Variants in NAALADL2 observed in about 807,000 individuals in gnomAD.
NAALADL2 encodes inactive N-acetylated-alpha-linked acidic dipeptidase-like protein 2.
In NAALADL2, 76 loss-of-function variants were observed where a neutral mutation model predicts 87.2. That is an observed-to-expected ratio of 0.87 (90% CI 0.72 to 1.05). The LOEUF (loss-of-function observed/expected upper bound fraction) is 1.05. NAALADL2 is among the 50% of genes least tolerant of loss of function. The probability of loss-of-function intolerance (pLI) is 0.00; values close to 1 mark genes in which losing one functional copy is unlikely to be tolerated. For missense variants in NAALADL2, 1,089 were observed against 945.8 expected, an observed-to-expected ratio of 1.15 and a Z score of -1.99; for synonymous variants, 354 against 331.0, an observed-to-expected ratio of 1.07 and a Z score of -0.75.
At chr3:174,664,724 C>T (rs1725811179) in intron 2 of NAALADL2, among the ~76,000 whole-genome samples, 1 of 152,146 alleles carries the variant, frequency 6.6e-6, no homozygotes, top group African/African-American at 2.4e-5. Context: ...GGTGGGTGCT[C>T]TTATTCTGGA....
chr3:175,538,977 A>G (rs1200790268), intron 9 of NAALADL2, among the ~76,000 whole-genome samples: 1 of 152,360 alleles, frequency 6.6e-6, no homozygotes, highest in African/African-American at 2.4e-5. Flanking sequence ...TTTCTACAAA[A>G]GGTAACAGTT....
At chr3:174,840,386 G>C (rs949237717) in intron 3 of NAALADL2, among the ~76,000 whole-genome samples, 1 of 152,036 alleles carries the variant, frequency 6.6e-6, no homozygotes, top group Non-Finnish European at 1.5e-5. Context: ...TGCACTAGGA[G>C]TCGGAAGATA....
intron 3 of NAALADL2, among the ~76,000 whole-genome samples, chr3:174,805,729 A>T (rs762707626): frequency 2.0e-5 from 3 of 152,190 alleles, no homozygotes; most frequent in African/African-American, 7.2e-5. Context: ...GGAGAACCCA[A>T]TGAATTATTT....
chr3:174,840,840 TG>T (rs1352467203), intron 3 of NAALADL2, among the ~76,000 whole-genome samples: 4 of 152,010 alleles, frequency 2.6e-5, no homozygotes, highest in Non-Finnish European at 5.9e-5. Flanking sequence ...ACTAGCTGCT[TG>T]GGGGAAGGCT....
intron 10 of NAALADL2, among the ~76,000 whole-genome samples, chr3:175,606,245 T>C (rs1259608885): frequency 6.6e-6 from 1 of 152,104 alleles, no homozygotes; most frequent in Non-Finnish European, 1.5e-5. Flanking sequence ...TAAAAACAGG[T>C]GCTGTTACTA....
At chr3:175,118,081 C>T (rs1333228967) in intron 2 of NAALADL2, among the ~76,000 whole-genome samples, 1 of 150,760 alleles carries the variant, frequency 6.6e-6, no homozygotes, top group Non-Finnish European at 1.5e-5. Context: ...CACTTGGAAA[C>T]AGGATGGGGA....
At chr3:174,967,395 G>A (rs988638133) in intron 1 of NAALADL2, among the ~76,000 whole-genome samples, 4 of 150,710 alleles carry the variant, frequency 2.7e-5, no homozygotes, top group Admixed American at 6.6e-5. Flanking sequence ...AAAGAAAAAA[G>A]GAATTTATTT....
At chr3:175,212,980 T>A (rs947227048) in intron 2 of NAALADL2, among the ~76,000 whole-genome samples, 4 of 152,112 alleles carry the variant, frequency 2.6e-5, no homozygotes, top group African/African-American at 9.7e-5. Context: ...GCAGTGCATA[T>A]GGCAGCCTCA....
intron 1 of NAALADL2, among the ~76,000 whole-genome samples, chr3:174,494,078 G>A (rs1244210860): frequency 1.3e-5 from 2 of 152,106 alleles, no homozygotes; most frequent in African/African-American, 4.8e-5. Flanking sequence ...TTCATGGATT[G>A]GGTAGAGTAT....
intron 5 of NAALADL2, among the ~76,000 whole-genome samples, chr3:175,424,738 T>G (rs970028997): frequency 1.3e-5 from 2 of 152,162 alleles, no homozygotes; most frequent in African/African-American, 4.8e-5. Flanking sequence ...GCTTTGTTCT[T>G]TTGGGAATTT....
chr3:174,531,301 C>T (rs74923673), intron 1 of NAALADL2, among the ~76,000 whole-genome samples: 3,345 of 150,936 alleles, frequency 0.022, 126 homozygotes, highest in African/African-American at 0.071. Flanking sequence ...TCTGTCTTAG[C>T]TTGGAGTCAA....
At chr3:174,477,820 A>G (rs911814676) in intron 1 of NAALADL2, among the ~76,000 whole-genome samples, 3 of 152,216 alleles carry the variant, frequency 2.0e-5, no homozygotes, top group African/African-American at 7.2e-5. Flanking sequence ...TATCATACAT[A>G]GGTGAATAAT....
intron 1 of NAALADL2, among the ~76,000 whole-genome samples, chr3:174,875,966 A>G (rs919275835): frequency 6.6e-6 from 1 of 152,086 alleles, no homozygotes; most frequent in Non-Finnish European, 1.5e-5. Context: ...AACTTAAAAG[A>G]TAGATAAAAG....
At chr3:175,333,704 G>T (rs1761671821) in intron 5 of NAALADL2, among the ~76,000 whole-genome samples, 1 of 151,930 alleles carries the variant, frequency 6.6e-6, no homozygotes, top group Non-Finnish European at 1.5e-5. Context: ...GATGAAGAGA[G>T]GTTGGTCAGT....
chr3:174,734,863 A>G (rs1733039320), intron 2 of NAALADL2, among the ~76,000 whole-genome samples: 1 of 152,198 alleles, frequency 6.6e-6, no homozygotes, highest in African/African-American at 2.4e-5. Context: ...AATTTATGAC[A>G]CATTATTATT....
chr3:175,065,278 C>G (rs988685094), intron 1 of NAALADL2, among the ~76,000 whole-genome samples: 16 of 152,242 alleles, frequency 1.1e-4, no homozygotes, highest in African/African-American at 2.9e-4. Context: ...GACTCCCTTG[C>G]TGAAGTCTTA....
At chr3:174,882,707 A>C (rs1477774705) in intron 1 of NAALADL2, among the ~76,000 whole-genome samples, 2 of 144,880 alleles carry the variant, frequency 1.4e-5, no homozygotes, top group Admixed American at 1.4e-4. Context: ...ATACATGTGT[A>C]TCTACACATA....
At chr3:175,704,015 A>G (rs1452795149) in intron 11 of NAALADL2, among the ~76,000 whole-genome samples, 1 of 152,144 alleles carries the variant, frequency 6.6e-6, no homozygotes, top group Non-Finnish European at 1.5e-5. Flanking sequence ...GTAAATGGGT[A>G]TGGATTCTTG....
At chr3:174,576,636 T>C (rs2108548514) in intron 2 of NAALADL2, among the ~76,000 whole-genome samples, 1 of 152,298 alleles carries the variant, frequency 6.6e-6, no homozygotes, top group Admixed American at 6.5e-5. Context: ...TTACTGTTCT[T>C]ATGTGCTTTA....
Sources: gnomAD v4.1 joint callset for allele counts (sites outside exome capture counted in the v4.1 genomes callset) on GRCh38, gnomAD v4.1.1 for gene constraint, MANE v1.5 for transcripts, NCBI Gene and HGNC (gene_info 2026-07-23, HGNC 2026-07-21) for gene names.